Variants in TMEM150C observed in about 807,000 individuals in gnomAD.
TMEM150C encodes the protein tentonin 3.
TMEM150C carries 10 observed loss-of-function variants against 29.9 expected under a neutral mutation model. That is an observed-to-expected ratio of 0.33 (90% CI 0.21 to 0.57). The LOEUF (loss-of-function observed/expected upper bound fraction) is 0.57. TMEM150C is among the 20% of genes least tolerant of loss of function. The pLI is 0.88. For missense variants in TMEM150C, 251 were observed against 303.6 expected (o/e 0.83, Z 1.29); for synonymous variants, 101 against 112.5 (o/e 0.90, Z 0.64).
intron 1 of TMEM150C, among the ~76,000 whole-genome samples, chr4:82,522,050 G>A (rs371312909): frequency 3.7e-4 from 57 of 152,160 alleles, no homozygotes; most frequent in African/African-American, 8.2e-4. Context: ...ACAACAGAGC[G>A]AGAACTTTAT....
At chr4:82,500,735 T>TA (rs761369885) in intron 5 of TMEM150C, among the ~76,000 whole-genome samples, 34 of 152,232 alleles carry the variant, frequency 2.2e-4, no homozygotes, top group Non-Finnish European at 4.4e-4. Context: ...AACTGGGTTT[T>TA]AAAAAAGTAT....
At chr4:82,539,065 TCAAA>T (rs578098056) in intron 1 of TMEM150C, among the ~76,000 whole-genome samples, 2 of 152,046 alleles carry the variant, frequency 1.3e-5, no homozygotes, top group East Asian at 1.9e-4. Context: ...AGACCCTGTC[TCAAA>T]CAAACAAACA....
chr4:82,492,373 C>T (rs907858953), intron 6 of TMEM150C, among the ~76,000 whole-genome samples: 2 of 151,860 alleles, frequency 1.3e-5, no homozygotes, highest in African/African-American at 4.9e-5. Context: ...GATGATCCAC[C>T]CGCCTCAGCC....
At chr4:82,537,783 T>C (rs1725059346) in intron 1 of TMEM150C, among the ~76,000 whole-genome samples, 1 of 151,946 alleles carries the variant, frequency 6.6e-6, no homozygotes, top group Non-Finnish European at 1.5e-5. Flanking sequence ...GAGGCAGAGA[T>C]TGGAATAATG....
In TMEM150C at chr4:82,548,482, G is replaced by A. The variant is rs1725457435; in HGVS notation, c.-11+13424C>T. Among the ~76,000 whole-genome samples, 3 of 152,014 alleles carry A rather than the reference G, an allele frequency of 2.0e-5. No homozygotes were observed. In the South Asian group the frequency reaches 6.2e-4, roughly 32 times the overall value. ...GGCAGCAGGGTGTTGTGGAATGAAG[G>A]GTCCCAGGGCAAGTCTACCATCTCC... On this transcript the variant is annotated intron_variant, in intron 1 of 7. Transcript: ENST00000449862.
chr4:82,545,960 G>C (rs1725372565), intron 1 of TMEM150C, among the ~76,000 whole-genome samples: 1 of 151,416 alleles, frequency 6.6e-6, no homozygotes, highest in South Asian at 2.1e-4. Flanking sequence ...GCCAAATCAA[G>C]AACACAATCC....
chr4:82,556,279 C>A (rs1179768405), intron 1 of TMEM150C, among the ~76,000 whole-genome samples: 1 of 152,164 alleles, frequency 6.6e-6, no homozygotes, highest in Non-Finnish European at 1.5e-5. Context: ...TGCCCAGACT[C>A]TCTAGTGCTC....
At chr4:82,562,148 G>C, upstream of TMEM150C, 2 of 1,272,996 alleles carry the variant, frequency 1.6e-6, no homozygotes, top group Non-Finnish European at 2.0e-6. Flanking sequence ...CCCCCCCGGG[G>C]CCCCTAATAG....
intron 1 of TMEM150C, among the ~76,000 whole-genome samples, chr4:82,553,315 T>C (rs1725640852): frequency 6.6e-6 from 1 of 152,202 alleles, no homozygotes; most frequent in Non-Finnish European, 1.5e-5. Context: ...GCAAGGTAAA[T>C]ATGCAACAAG....
intron 1 of TMEM150C, among the ~76,000 whole-genome samples, chr4:82,534,614 C>T (rs1442367654): frequency 1.3e-5 from 2 of 152,172 alleles, no homozygotes; most frequent in East Asian, 3.8e-4. Flanking sequence ...GGATTACTGC[C>T]TCAAACATCA....
intron 1 of TMEM150C, among the ~76,000 whole-genome samples, chr4:82,515,114 G>C (rs1031310443): frequency 6.6e-6 from 1 of 151,970 alleles, no homozygotes; most frequent in Non-Finnish European, 1.5e-5. Flanking sequence ...TTAACAGAAC[G>C]ATTCTGAGGT....
At chr4:82,560,308 TTAATA>T (rs1471858722) in intron 1 of TMEM150C, among the ~76,000 whole-genome samples, 29 of 152,338 alleles carry the variant, frequency 1.9e-4, no homozygotes, top group African/African-American at 6.5e-4. Context: ...TTCAAATACT[TTAATA>T]TATTTGTGAA....
At chr4:82,547,983 A>C (rs1488337643) in intron 1 of TMEM150C, among the ~76,000 whole-genome samples, 7 of 152,262 alleles carry the variant, frequency 4.6e-5, no homozygotes, top group Non-Finnish European at 1.0e-4. Flanking sequence ...CTGGTCCAAG[A>C]AAATGTGGTA....
intron 1 of TMEM150C, among the ~76,000 whole-genome samples, chr4:82,540,114 C>CTTTTTTTTTTTTTTT (rs577728662): frequency 4.2e-5 from 2 of 47,260 alleles, no homozygotes; most frequent in African/African-American, 5.6e-5. Context: ...TCTACCTATT[C>CTTTTTTTTTTTTTTT]TTTTTTTTTT....
intron 1 of TMEM150C, among the ~76,000 whole-genome samples, chr4:82,512,870 T>A (rs1724172437): frequency 1.3e-5 from 2 of 152,172 alleles, no homozygotes; most frequent in Non-Finnish European, 2.9e-5. Context: ...CCCATTAGGA[T>A]AGCTATTATC....
At chr4:82,505,157 T>C (rs1437626642) in intron 1 of TMEM150C, among the ~76,000 whole-genome samples, 4 of 152,234 alleles carry the variant, frequency 2.6e-5, no homozygotes, top group African/African-American at 9.6e-5. Flanking sequence ...ACATGGATGA[T>C]TGTTATCTAG....
upstream of TMEM150C, chr4:82,562,027 C>T (rs1172392876): frequency 4.3e-6 from 5 of 1,156,154 alleles, no homozygotes; most frequent in Non-Finnish European, 5.4e-6. Context: ...TCTGCTCACC[C>T]GCCCGCCCGG....
rs1198230020 is a variant in TMEM150C, at chr4:82,494,944, T to C, written c.363+1124A>G. The C allele has an allele frequency of 3.2e-5, 19 of 592,832 alleles. 1 individual carries two copies. Among genetic ancestry groups the C allele is most frequent in the Non-Finnish European group, 2.2e-5 (7 of 321,156 alleles). The allele number at this position is 592,832 out of a possible 1,614,324, so 36.7% of individuals were successfully genotyped here. A position where few individuals can be genotyped will look rare whatever the true frequency, so the allele number is the denominator to read the frequency against. Reference sequence around the variant, plus strand: ...TTCTCTTTAGCCTCCTTCATTCTCTTGGCCGAAAGTTTAGCATATTCTGCA... The same window carrying C: ...TTCTCTTTAGCCTCCTTCATTCTCTCGGCCGAAAGTTTAGCATATTCTGCA... On this transcript the variant is annotated intron_variant, in intron 6 of 7. Transcript: ENST00000449862.
At chr4:82,513,473 T>A (rs886640174) in intron 1 of TMEM150C, among the ~76,000 whole-genome samples, 1 of 151,856 alleles carries the variant, frequency 6.6e-6, no homozygotes, top group African/African-American at 2.4e-5. Flanking sequence ...AAATTTAATG[T>A]CATGATATTT....
Sources: gnomAD v4.1 joint callset for allele counts (sites outside exome capture counted in the v4.1 genomes callset) on GRCh38, gnomAD v4.1.1 for gene constraint, MANE v1.5 for transcripts, NCBI Gene and HGNC (gene_info 2026-07-23, HGNC 2026-07-21) for gene names.